Variants in IGF2BP2 observed in about 807,000 individuals in gnomAD.
The protein encoded by IGF2BP2 is insulin like growth factor 2 mRNA binding protein 2.
A neutral mutation model predicts 75.8 loss-of-function variants in IGF2BP2; 17 were observed. That is an observed-to-expected ratio of 0.22 (90% CI 0.15 to 0.34). IGF2BP2 has a LOEUF of 0.34. Ranked by LOEUF, IGF2BP2 falls within the 10% of genes least tolerant of loss-of-function variation. IGF2BP2 has a pLI of 1.00. For synonymous variants in IGF2BP2, 288 were observed against 295.6 expected (o/e 0.97, Z 0.26); for missense variants, 516 against 772.4 (o/e 0.67, Z 3.93).
At chr3:185,767,336 C>T (rs936465484) in intron 2 of IGF2BP2, among the ~76,000 whole-genome samples, 1 of 152,210 alleles carries the variant, frequency 6.6e-6, no homozygotes, top group African/African-American at 2.4e-5. Flanking sequence ...CAGAAGAAAT[C>T]CTTATAATAC....
At chr3:185,786,094 T>C (rs1304115821) in intron 2 of IGF2BP2, among the ~76,000 whole-genome samples, 1 of 149,858 alleles carries the variant, frequency 6.7e-6, no homozygotes, top group African/African-American at 2.5e-5. Context: ...TTTTTTTTTT[T>C]CAAATCGCTC....
intron 6 of IGF2BP2, among the ~76,000 whole-genome samples, chr3:185,687,909 A>C (rs1438279136): frequency 6.6e-6 from 1 of 151,714 alleles, no homozygotes; most frequent in African/African-American, 2.4e-5. Context: ...AGCTAACCCC[A>C]CTTCTATTTA....
At chr3:185,819,523 G>C (rs1741053916) in intron 2 of IGF2BP2, among the ~76,000 whole-genome samples, 1 of 151,498 alleles carries the variant, frequency 6.6e-6, no homozygotes, top group Admixed American at 6.6e-5. Context: ...TTATCTCTTT[G>C]AGGTTACAAT....
At chr3:185,785,367 T>C (rs151233856) in intron 2 of IGF2BP2, among the ~76,000 whole-genome samples, 6 of 151,682 alleles carry the variant, frequency 4.0e-5, no homozygotes, top group African/African-American at 1.5e-4. Context: ...GTAGAGACCG[T>C]TATGCCCCAG....
chr3:185,820,235 T>TACAC (rs202064714), intron 2 of IGF2BP2, among the ~76,000 whole-genome samples: 5,199 of 102,620 alleles, frequency 0.051, 112 homozygotes, highest in African/African-American at 0.078. Context: ...TATATACACA[T>TACAC]ACACACACAC....
At chr3:185,713,115 A>ATGTG (rs144339025) in intron 2 of IGF2BP2, 1 of 278,324 alleles carries the variant, frequency 3.6e-6, no homozygotes, top group Non-Finnish European at 7.1e-6. Flanking sequence ...AGAGACATAT[A>ATGTG]TGTGTGTGTG....
At chr3:185,775,386 G>A (rs1408777904) in intron 2 of IGF2BP2, among the ~76,000 whole-genome samples, 1 of 152,202 alleles carries the variant, frequency 6.6e-6, no homozygotes, top group Non-Finnish European at 1.5e-5. Flanking sequence ...TCTGGAGACA[G>A]AGACTCAGAA....
chr3:185,694,841 C>T (rs575347690), intron 4 of IGF2BP2, among the ~76,000 whole-genome samples: 1 of 152,374 alleles, frequency 6.6e-6, no homozygotes, highest in East Asian at 1.9e-4. Flanking sequence ...GATCCCAGCA[C>T]TCTGGGAGGC....
chr3:185,676,977 C>CAT (rs1311486863), intron 7 of IGF2BP2, among the ~76,000 whole-genome samples: 1 of 119,836 alleles, frequency 8.3e-6, no homozygotes, highest in East Asian at 2.3e-4. Context: ...TATGGAGATA[C>CAT]ATATATATGG....
intron 10 of IGF2BP2, among the ~76,000 whole-genome samples, chr3:185,669,872 T>C (rs1387302107): frequency 1.3e-5 from 2 of 152,078 alleles, no homozygotes; most frequent in African/African-American, 2.4e-5. Flanking sequence ...AGCCCACAGG[T>C]CTGCTGGGCC....
chr3:185,735,994 C>T (rs1728805075), intron 2 of IGF2BP2, among the ~76,000 whole-genome samples: 1 of 152,218 alleles, frequency 6.6e-6, no homozygotes, highest in African/African-American at 2.4e-5. Flanking sequence ...TCTGATTTCA[C>T]AGAATGCTGG....
chr3:185,750,006 C>T (rs571693923), intron 2 of IGF2BP2, among the ~76,000 whole-genome samples: 1 of 152,320 alleles, frequency 6.6e-6, no homozygotes, highest in South Asian at 2.1e-4. Context: ...TCTCCTAGCT[C>T]AGTTGTTTTG....
chr3:185,697,482 T>A (rs1397294127), intron 3 of IGF2BP2, among the ~76,000 whole-genome samples: 9 of 152,142 alleles, frequency 5.9e-5, no homozygotes, highest in Admixed American at 5.9e-4. Context: ...CACGGTGTTT[T>A]CTTTGGGTGG....
chr3:185,777,224 T>C (rs1274883978), intron 2 of IGF2BP2, among the ~76,000 whole-genome samples: 3 of 152,162 alleles, frequency 2.0e-5, no homozygotes, highest in Admixed American at 6.5e-5. Context: ...GGCTAGTTAA[T>C]ATAAAGAAGA....
intron 2 of IGF2BP2, among the ~76,000 whole-genome samples, chr3:185,723,804 A>G (rs570840456): frequency 5.3e-5 from 8 of 152,214 alleles, no homozygotes; most frequent in Admixed American, 2.0e-4. Context: ...AGCTCAGAGG[A>G]AAGGCTATAC....
chr3:185,729,487 C>T (rs991287005), intron 2 of IGF2BP2, among the ~76,000 whole-genome samples: 1 of 152,180 alleles, frequency 6.6e-6, no homozygotes, highest in African/African-American at 2.4e-5. Flanking sequence ...CTTGCAGCTT[C>T]CCAATACTCG....
chr3:185,777,409 TG>T (rs1189514091), intron 2 of IGF2BP2, among the ~76,000 whole-genome samples: 1 of 152,056 alleles, frequency 6.6e-6, no homozygotes. Context: ...GAGGATGGCT[TG>T]GGCCCAGGAA....
chr3:185,653,930 G>T (rs911077285), intron 12 of IGF2BP2, among the ~76,000 whole-genome samples: 4 of 152,188 alleles, frequency 2.6e-5, no homozygotes, highest in African/African-American at 9.6e-5. Context: ...CTGGACCACT[G>T]TGTCACTTGA....
chr3:185,684,647 T>C (rs1720861925), intron 7 of IGF2BP2, among the ~76,000 whole-genome samples: 2 of 152,208 alleles, frequency 1.3e-5, no homozygotes, highest in African/African-American at 2.4e-5. Flanking sequence ...CCTCAAGTGA[T>C]CCGCCCGCTT....
Sources: allele counts gnomAD v4.1 joint callset (sites outside exome capture counted in the v4.1 genomes callset), GRCh38; gene constraint gnomAD v4.1.1; transcripts MANE v1.5; gene names NCBI Gene and HGNC (gene_info 2026-07-23, HGNC 2026-07-21).